The following ATP2C2 variants were observed in gnomAD, a reference collection of about 807,000 sequenced individuals.
ATP2C2 encodes calcium-transporting ATPase type 2C member 2.
ATP2C2 carries 171 observed loss-of-function variants against 110.8 expected under a neutral mutation model. The ratio of observed to expected loss-of-function variants is 1.54; its 90% CI spans 1.36 to 1.75. The LOEUF is 1.75. Ranked by LOEUF, ATP2C2 falls within the 40% of genes most tolerant of loss-of-function variation. The pLI, the probability that ATP2C2 is intolerant of heterozygous loss-of-function variation, is 0.00. For synonymous variants in ATP2C2, 804 were observed against 508.4 expected (o/e 1.58, Z -7.82); for missense variants, 1,963 against 1,235.0 (o/e 1.59, Z -8.84).
At chr16:84,432,178 A>G (rs147331890) in intron 11 of ATP2C2, among the ~76,000 whole-genome samples, 32 of 152,284 alleles carry the variant, frequency 2.1e-4, no homozygotes, top group African/African-American at 7.7e-4. Flanking sequence ...TAAGCTATTT[A>G]GTGGTGATTT....
intron 7 of ATP2C2, among the ~76,000 whole-genome samples, chr16:84,418,420 CCTT>C (rs759232611): frequency 1.3e-5 from 2 of 152,206 alleles, no homozygotes; most frequent in African/African-American, 2.4e-5. Context: ...CACCTTCACT[CCTT>C]CTTGGTCCGG....
intron 6 of ATP2C2, among the ~76,000 whole-genome samples, chr16:84,412,268 ATG>A (rs775204720): frequency 4.4e-4 from 65 of 147,686 alleles, no homozygotes; most frequent in Non-Finnish European, 8.4e-4. Flanking sequence ...GTGTGTATGT[ATG>A]TGTGTACGTG....
At position 84,438,488 on chromosome 16, in the gene ATP2C2, C is replaced by T. The variant is rs896202095; in HGVS notation, c.987-678C>T. Among the ~76,000 whole-genome samples the T allele has an allele frequency of 7.2e-5, 11 of 152,168 alleles. 1 individual carries two copies. The highest frequency in any genetic ancestry group is 7.2e-4 in the Admixed American group (11 of 15,278). ...AGAAGGGGTATCATGTGCTGCAGCC[C>T]CAGTCTCATTTCCAAGAGAGCATCT... On this transcript the variant is annotated intron_variant, in intron 11 of 26. Transcript: ENST00000262429.
chr16:84,443,746 C>A (rs1161461621), intron 15 of ATP2C2, among the ~76,000 whole-genome samples: 1 of 152,164 alleles, frequency 6.6e-6, no homozygotes, highest in Non-Finnish European at 1.5e-5. Flanking sequence ...CCTGTCCCTC[C>A]CTCCAGTGCA....
intron 18 of ATP2C2, 41 bp from the exon 19 acceptor site, chr16:84,453,097 G>C: frequency 6.4e-7 from 1 of 1,561,912 alleles, no homozygotes; most frequent in Non-Finnish European, 8.7e-7. Context: ...GGGTGGGGAC[G>C]CGGGCCTCAG....
intron 7 of ATP2C2, among the ~76,000 whole-genome samples, chr16:84,420,668 C>G (rs187063769): frequency 2.0e-5 from 3 of 152,216 alleles, no homozygotes; most frequent in South Asian, 4.2e-4. Flanking sequence ...GTGACACTTT[C>G]AGATCCCCAT....
At chr16:84,448,928 T>G (rs1910009451) in intron 17 of ATP2C2, among the ~76,000 whole-genome samples, 2 of 152,218 alleles carry the variant, frequency 1.3e-5, no homozygotes, top group African/African-American at 4.8e-5. Flanking sequence ...CCTCCCTTGC[T>G]GAGTTTCCTA....
intron 16 of ATP2C2, among the ~76,000 whole-genome samples, chr16:84,447,854 TATTA>T (rs1909899461): frequency 7.0e-6 from 1 of 143,584 alleles, no homozygotes; most frequent in African/African-American, 2.7e-5. Flanking sequence ...ATATTATATT[TATTA>T]ATAACATTAA....
intron 1 of ATP2C2, among the ~76,000 whole-genome samples, chr16:84,391,132 AAAGAAG>A: frequency 6.7e-6 from 1 of 149,584 alleles, no homozygotes; most frequent in Non-Finnish European, 1.5e-5. Context: ...AAAAAAAAAA[AAAGAAG>A]AAGAAGAAGG....
chr16:84,449,856 AG>A (rs1301116982), intron 17 of ATP2C2, among the ~76,000 whole-genome samples: 1 of 152,226 alleles, frequency 6.6e-6, no homozygotes, highest in Non-Finnish European at 1.5e-5. Flanking sequence ...TGGACACGTT[AG>A]TAAGTAAACA....
At chr16:84,446,993 T>TAG in intron 16 of ATP2C2, among the ~76,000 whole-genome samples, 1 of 152,228 alleles carries the variant, frequency 6.6e-6, no homozygotes, top group Non-Finnish European at 1.5e-5. Flanking sequence ...TGTCCCTGGC[T>TAG]AGAGGAACAC....
At chr16:84,444,113 G>A (rs1316956206) in intron 15 of ATP2C2, among the ~76,000 whole-genome samples, 7 of 141,204 alleles carry the variant, frequency 5.0e-5, no homozygotes, top group African/African-American at 1.4e-4. Flanking sequence ...GCTGCAATGA[G>A]CTATGATCAC....
intron 7 of ATP2C2, among the ~76,000 whole-genome samples, chr16:84,416,356 G>C (rs1417368180): frequency 1.3e-5 from 2 of 152,204 alleles, no homozygotes; most frequent in African/African-American, 4.8e-5. Flanking sequence ...ATCTTTCCAA[G>C]AATGTGTAAG....
At chr16:84,377,824 G>A (rs1236732313) in intron 1 of ATP2C2, among the ~76,000 whole-genome samples, 1 of 152,104 alleles carries the variant, frequency 6.6e-6, no homozygotes, top group Non-Finnish European at 1.5e-5. Context: ...TGGGCCACCA[G>A]GAGAAAATTT....
chr16:84,424,576 C>CTTTTTTTTT (rs371614449), intron 10 of ATP2C2, among the ~76,000 whole-genome samples: 37 of 114,864 alleles, frequency 3.2e-4, no homozygotes, highest in African/African-American at 1.4e-3. Context: ...CCGCACTGGG[C>CTTTTTTTTT]TTTTTTTTTT....
At chr16:84,460,354 G>GGT (rs1911172720) in intron 23 of ATP2C2, 1 of 435,796 alleles carries the variant, frequency 2.3e-6, no homozygotes. Flanking sequence ...CGTTGGGGGG[G>GGT]GTCCCCTCGG....
intron 1 of ATP2C2, among the ~76,000 whole-genome samples, chr16:84,393,250 C>G (rs78064046): frequency 6.6e-6 from 1 of 152,116 alleles, no homozygotes; most frequent in Non-Finnish European, 1.5e-5. Context: ...GGAATCAACC[C>G]GGGGCAGATT....
At chr16:84,412,240 A>T (rs550294699) in intron 6 of ATP2C2, among the ~76,000 whole-genome samples, 1 of 151,924 alleles carries the variant, frequency 6.6e-6, no homozygotes, top group East Asian at 1.9e-4. Context: ...TTTATTTTTT[A>T]AACCTGATTG....
At chr16:84,453,049 T>G in intron 18 of ATP2C2, 89 bp from the exon 19 acceptor site, 1 of 1,335,216 alleles carries the variant, frequency 7.5e-7, no homozygotes. Context: ...GGTTTTATTC[T>G]TGGTGTTCCC....
Sources: allele counts gnomAD v4.1 joint callset (sites outside exome capture counted in the v4.1 genomes callset), GRCh38; gene constraint gnomAD v4.1.1; transcripts MANE v1.5; gene names NCBI Gene and HGNC (gene_info 2026-07-23, HGNC 2026-07-21).